Variants in ZNF431 observed in about 807,000 individuals in gnomAD.
ZNF431 encodes the protein zinc finger protein 431.
In ZNF431, 34 loss-of-function variants were observed where a neutral mutation model predicts 57.0. The ratio of observed to expected loss-of-function variants is 0.60; its 90% confidence interval spans 0.45 to 0.79. The LOEUF is 0.79. Among genes scored for constraint, ZNF431 ranks in the 30% least tolerant of loss-of-function variants. The pLI is 0.00. For synonymous variants in ZNF431, 207 were observed against 220.3 expected (o/e 0.94, Z 0.54); for missense variants, 607 against 667.1 (o/e 0.91, Z 0.99).
chr19:21,148,496 C>T (rs927134366), intron 2 of ZNF431, among the ~76,000 whole-genome samples: 1 of 152,174 alleles, frequency 6.6e-6, no homozygotes, highest in Non-Finnish European at 1.5e-5. Context: ...TATGTTGACA[C>T]ACAGAATCTC....
intron 2 of ZNF431, among the ~76,000 whole-genome samples, chr19:21,160,880 C>T (rs1412641588): frequency 6.6e-6 from 1 of 152,070 alleles, no homozygotes; most frequent in Non-Finnish European, 1.5e-5. Flanking sequence ...TCATTCAAAA[C>T]ATAGATGAAC....
chr19:21,189,820 T>C lies in ZNF431; in HGVS notation c.*5786T>C. On this transcript the variant is annotated 3_prime_UTR_variant, in exon 5 of 5. Transcript: ENST00000311048. ...CCCAACTAATACAATGTCCTCCAAC[T>C]TCATCCATGTGATTGAGAATAATAG... The C allele has an allele frequency of 2.5e-6, 1 of 397,620 alleles. No homozygotes were observed. Among genetic ancestry groups the C allele is most frequent in the Non-Finnish European group, 4.4e-6 (1 of 225,844 alleles). The allele number at this position is 397,620 out of a possible 1,614,324, so 24.6% of individuals were successfully genotyped here. A position where few individuals can be genotyped will look rare whatever the true frequency, so the allele number is the denominator to read the frequency against.
Position 21,152,012 on chromosome 19 carries a change from G to A in ZNF431, c.96+8369G>A, listed in dbSNP as rs1331852998. Among the ~76,000 whole-genome samples the A allele has an allele frequency of 2.6e-5, 4 of 152,126 alleles. No individual in the cohort carries two copies. In the East Asian group the frequency reaches 5.8e-4, roughly 22 times the overall value. Reference sequence around the variant, plus strand: ...ATGTGGCTGGCTGCACCACAGCCCCGTGGGCCAAGCCACAACAAAAAGAAA... The same window carrying A: ...ATGTGGCTGGCTGCACCACAGCCCCATGGGCCAAGCCACAACAAAAAGAAA... On this transcript the variant is annotated intron_variant, in intron 2 of 4. Transcript: ENST00000311048.
chr19:21,173,948 G>GT (rs965127834), intron 4 of ZNF431, among the ~76,000 whole-genome samples: 14 of 148,428 alleles, frequency 9.4e-5, no homozygotes, highest in African/African-American at 2.7e-4. Context: ...TCTTTCTTTG[G>GT]TTTTTTTTCT....
In ZNF431 at chr19:21,189,760, A is replaced by G. The variant is rs772440776; in HGVS notation, c.*5726A>G. 1 of 395,130 alleles carries G rather than the reference A, an allele frequency of 2.5e-6. No homozygotes were observed. Among genetic ancestry groups the G allele is most frequent in the African/African-American group, 2.1e-5 (1 of 48,578 alleles). 24.5% of individuals were successfully genotyped at this position (395,130 alleles called of 1,614,324 possible). A position where few individuals can be genotyped will look rare whatever the true frequency, so the allele number is the denominator to read the frequency against. The stretch of plus-strand genomic sequence containing the variant: ...TTTTTGGAATCCATGTGTAAGTGAA[A>G]TTATGAGACACTAATCTTTCTGTGC... On this transcript the variant is annotated 3_prime_UTR_variant, in exon 5 of 5. Transcript: ENST00000311048.
At position 21,185,278 on chromosome 19, in the gene ZNF431, A is replaced by C. The variant is rs547308264; in HGVS notation, c.*1244A>C. On this transcript the variant is annotated 3_prime_UTR_variant, in exon 5 of 5. Transcript: ENST00000311048. ...AAGAGGATCAGAAGGTTTTTTGCAG[A>C]GTTATAATTACATTCAAAGTATACT... 143 of 152,320 alleles carry C rather than the reference A, an allele frequency of 9.4e-4. 2 individuals carry two copies. Among genetic ancestry groups the C allele is most frequent in the Middle Eastern group, 3.4e-3 (1 of 294 alleles). The allele number at this position is 152,320 out of a possible 1,614,324, so 9.4% of individuals were successfully genotyped here.
chr19:21,150,149 G>T, intron 2 of ZNF431: 2 of 608,034 alleles, frequency 3.3e-6, no homozygotes, highest in East Asian at 7.4e-5. Context: ...GTACTTGTAG[G>T]CTAGCTTAAG....
intron 4 of ZNF431, among the ~76,000 whole-genome samples, chr19:21,168,632 C>T (rs1485922842): frequency 6.6e-6 from 1 of 152,118 alleles, no homozygotes; most frequent in East Asian, 1.9e-4. Context: ...TCCCAAAGTG[C>T]TGGGATTATG....
chr19:21,149,879 C>T, intron 2 of ZNF431: 1 of 639,946 alleles, frequency 1.6e-6, no homozygotes, highest in African/African-American at 1.8e-5. Context: ...ACGTCCTAGT[C>T]TTACCTTCCC....
chr19:21,185,252 T>C lies in ZNF431; in HGVS notation c.*1218T>C, dbSNP rs1238272523. On this transcript the variant is annotated 3_prime_UTR_variant, in exon 5 of 5. Transcript: ENST00000311048. ...TAGAAAAGTTATTTGTATAGAACTTTAAGAGGATCAGAAGGTTTTTTGCAG... is the reference window on the plus strand; with the variant it reads ...TAGAAAAGTTATTTGTATAGAACTTCAAGAGGATCAGAAGGTTTTTTGCAG... The C allele has an allele frequency of 1.3e-5, 2 of 152,232 alleles. No individual in the cohort carries two copies. The highest frequency in any genetic ancestry group is 4.8e-5 in the African/African-American group (2 of 41,470). 9.4% of individuals were successfully genotyped at this position (152,232 alleles called of 1,614,324 possible).
chr19:21,157,364 T>C (rs932849995), intron 2 of ZNF431, among the ~76,000 whole-genome samples: 8 of 152,096 alleles, frequency 5.3e-5, no homozygotes, highest in African/African-American at 1.4e-4. Flanking sequence ...CAGCCTATTA[T>C]TGACTTTCTA....
In ZNF431 at chr19:21,183,150, A is replaced by T. The variant is rs1331537136; in HGVS notation, c.847A>T (p.Thr283Ser). Residue 283 changes from threonine (T) to serine (S), a missense_variant, in exon 5 of 5, where the codon ACT (threonine) becomes TCT (serine). Coordinates refer to ENST00000311048, the MANE Select transcript of ZNF431 (RefSeq NM_133473.4). Reference sequence around the variant, plus strand: ...CCTTACTACACATAAGATAATTCATACTGGGGAGAAACCATATAGATGTGA... The same window carrying T: ...CCTTACTACACATAAGATAATTCATTCTGGGGAGAAACCATATAGATGTGA... ...STLTTHKIIH[T>S]GEKPYRCEEC... 6.2e-7 allele frequency: 1 copy of T among 1,613,872 alleles called. No homozygotes were observed. Among genetic ancestry groups the T allele is most frequent in the South Asian group, 1.1e-5 (1 of 91,072 alleles).
At chr19:21,162,910 C>A (rs1210333011) in intron 2 of ZNF431, among the ~76,000 whole-genome samples, 1 of 151,812 alleles carries the variant, frequency 6.6e-6, no homozygotes, top group Non-Finnish European at 1.5e-5. Context: ...AATATAAACA[C>A]AATAAAAATT....
chr19:21,185,098 T>TA lies in ZNF431; in HGVS notation c.*1068dup, dbSNP rs1971330351. On this transcript the variant is annotated 3_prime_UTR_variant, in exon 5 of 5. Transcript: ENST00000311048. Reference sequence around the variant, plus strand: ...ATATTTTTTCCAGATGCAGTAAAAGTAAAATATTTAATCCATAATTAAGTC... The same window carrying TA: ...ATATTTTTTCCAGATGCAGTAAAAGTAAAAATATTTAATCCATAATTAAGTC... 6.6e-6 allele frequency: 1 copy of TA among 152,184 alleles called. No homozygotes were observed. The highest frequency in any genetic ancestry group is 1.5e-5 in the Non-Finnish European group (1 of 68,026). The allele number at this position is 152,184 out of a possible 1,614,324, so 9.4% of individuals were successfully genotyped here.
In ZNF431 at chr19:21,185,985, A is replaced by G. The variant is rs1325541098; in HGVS notation, c.*1951A>G. On this transcript the variant is annotated 3_prime_UTR_variant, in exon 5 of 5. Transcript: ENST00000311048. ...AATGAAATTCATTTCTAAATTCTTA[A>G]TAAATATTTTCTCATGCCAGGTGTG... is the stretch of plus-strand genomic sequence containing the variant. 6.6e-6 allele frequency: 1 copy of G among 152,132 alleles called. No individual in the cohort carries two copies. The highest frequency in any genetic ancestry group is 2.4e-5 in the African/African-American group (1 of 41,418). The allele number at this position is 152,132 out of a possible 1,614,324, so 9.4% of individuals were successfully genotyped here. A position where few individuals can be genotyped will look rare whatever the true frequency, so the allele number is the denominator to read the frequency against.
At position 21,166,255 on chromosome 19, in the gene ZNF431, A is replaced by G. The variant is rs185444603; in HGVS notation, c.97-80A>G. ...AGAATCAGTTCTCTTTACTCTCTCA[A>G]TTCACCTTAATTCAAATAATAAATT... is the stretch of plus-strand genomic sequence containing the variant. On this transcript the variant is annotated intron_variant, in intron 2 of 4. Transcript: ENST00000311048. 9.0e-6 allele frequency: 14 copies of G among 1,551,426 alleles called. No homozygotes were observed. The Admixed American group carries it at 1.7e-4, about 19-fold the overall frequency.
Position 21,142,178 on chromosome 19 carries a change from C to T in ZNF431, c.-6C>T. The T allele has an allele frequency of 6.2e-7, 1 of 1,613,100 alleles. No individual in the cohort carries two copies. The highest frequency in any genetic ancestry group is 8.5e-7 in the Non-Finnish European group (1 of 1,179,340). On this transcript the variant is annotated 5_prime_UTR_variant, in exon 1 of 5. Transcript: ENST00000311048. ...TAAGACACCGGGACCCCCTGAAAGC[C>T]TAGAAATGGTGAGAGTGCCGGGTCG...
At chr19:21,162,968 C>G (rs918185772) in intron 2 of ZNF431, among the ~76,000 whole-genome samples, 1 of 151,872 alleles carries the variant, frequency 6.6e-6, no homozygotes, top group Non-Finnish European at 1.5e-5. Context: ...TCCTATCTGT[C>G]TATATTTAGC....
chr19:21,188,965 C>G lies in ZNF431; in HGVS notation c.*4931C>G, dbSNP rs1971445464. On this transcript the variant is annotated 3_prime_UTR_variant, in exon 5 of 5. Coordinates refer to ENST00000311048, the MANE Select transcript of ZNF431 (RefSeq NM_133473.4). ...CCATGCTGTTAAATATCAGAAGTTTCTATGGTTATGATTAAAAAATTAAAT... is the reference window on the plus strand; with the variant it reads ...CCATGCTGTTAAATATCAGAAGTTTGTATGGTTATGATTAAAAAATTAAAT... 6.6e-6 allele frequency: 1 copy of G among 152,048 alleles called. No individual in the cohort carries two copies. The highest frequency in any genetic ancestry group is 1.5e-5 in the Non-Finnish European group (1 of 68,006). The allele number at this position is 152,048 out of a possible 1,614,324, so 9.4% of individuals were successfully genotyped here.
Sources: allele counts gnomAD v4.1 joint callset (sites outside exome capture counted in the v4.1 genomes callset), GRCh38; gene constraint gnomAD v4.1.1; transcripts MANE v1.5; gene names NCBI Gene and HGNC (gene_info 2026-07-23, HGNC 2026-07-21).